The following COL4A6 variants were observed in gnomAD, a reference collection of about 807,000 sequenced individuals.
The protein encoded by COL4A6 is collagen type IV alpha 6 chain.
Under a neutral mutation model 126.7 loss-of-function variants are expected in COL4A6, and 59 were observed. The observed-to-expected ratio is 0.47, with a 90% confidence interval of 0.38 to 0.58. The LOEUF (loss-of-function observed/expected upper bound fraction) is 0.58, where lower values mean the gene tolerates loss of function less well. Ranked by LOEUF, COL4A6 falls within the 20% of genes least tolerant of loss-of-function variation. The probability of loss-of-function intolerance (pLI) is 0.00; values close to 1 mark genes in which losing one functional copy is unlikely to be tolerated. For synonymous variants in COL4A6, 547 were observed against 496.6 expected (o/e 1.10, Z -1.35); for missense variants, 1,285 against 1,337.3 (o/e 0.96, Z 0.61).
intron 3 of COL4A6, among the ~76,000 whole-genome samples, chrX:108,298,370 G>A (rs755904033): frequency 8.9e-6 from 1 of 112,740 alleles, no homozygotes; most frequent in Admixed American, 9.2e-5. Context: ...GGGTCAGACA[G>A]GGCATTGTCC....
intron 3 of COL4A6, among the ~76,000 whole-genome samples, chrX:108,275,846 G>A (rs2037586680): frequency 8.9e-6 from 1 of 112,828 alleles, no homozygotes; most frequent in South Asian, 3.6e-4. Context: ...TGGCATACGG[G>A]TGCACATGAG....
chrX:108,403,162 C>T (rs2041126294), intron 2 of COL4A6, among the ~76,000 whole-genome samples: 1 of 108,653 alleles, frequency 9.2e-6, no homozygotes, highest in Non-Finnish European at 1.9e-5. Flanking sequence ...TGTGATCTGT[C>T]CCTCTGCTGT....
intron 3 of COL4A6, among the ~76,000 whole-genome samples, chrX:108,238,986 T>C (rs1223255834): frequency 8.9e-6 from 1 of 112,290 alleles, no homozygotes; most frequent in Non-Finnish European, 1.9e-5. Context: ...CCAATGCAGT[T>C]TCTCCCCTTC....
chrX:108,435,650 T>C (rs1347967357), intron 2 of COL4A6, among the ~76,000 whole-genome samples: 3 of 112,101 alleles, frequency 2.7e-5, no homozygotes, highest in African/African-American at 9.7e-5. Context: ...GTAAATTTAA[T>C]GGAAGCTCAT....
chrX:108,407,983 T>C (rs764841961), intron 2 of COL4A6, among the ~76,000 whole-genome samples: 1 of 111,365 alleles, frequency 9.0e-6, no homozygotes, highest in African/African-American at 3.3e-5. Context: ...ACTATTGTGA[T>C]TGCTATTTTA....
At chrX:108,221,622 T>G (rs997391186) in intron 3 of COL4A6, among the ~76,000 whole-genome samples, 3 of 112,760 alleles carry the variant, frequency 2.7e-5, no homozygotes, top group African/African-American at 9.7e-5. Context: ...CCTTCAACTT[T>G]GTACTTCTTA....
intron 3 of COL4A6, among the ~76,000 whole-genome samples, chrX:108,280,548 C>T (rs2037779818): frequency 9.0e-6 from 1 of 111,636 alleles, no homozygotes. Context: ...GATTCACAGC[C>T]GAATTCTACC....
chrX:108,265,608 G>A (rs191303401), intron 3 of COL4A6, among the ~76,000 whole-genome samples: 59 of 110,849 alleles, frequency 5.3e-4, no homozygotes, highest in African/African-American at 1.9e-3. Context: ...GGGTGAGGAA[G>A]CCAAGTGGAG....
chrX:108,160,709 C>T, intron 42 of COL4A6, 55 bp from the exon 43 acceptor site: 2 of 1,041,524 alleles, frequency 1.9e-6, no homozygotes, highest in South Asian at 4.4e-5. Context: ...ACAACATCAG[C>T]TACTCACATT....
intron 23 of COL4A6, 45 bp from the exon 24 acceptor site, chrX:108,181,013 GA>G: frequency 1.8e-6 from 2 of 1,082,331 alleles, no homozygotes; most frequent in Non-Finnish European, 2.6e-6. Flanking sequence ...CAGAGTTAGG[GA>G]AGATTTCTCC....
upstream of COL4A6, among the ~76,000 whole-genome samples, chrX:108,438,737 T>A (rs1434927559): frequency 8.9e-6 from 1 of 112,783 alleles, no homozygotes; most frequent in Non-Finnish European, 1.9e-5. Context: ...CATACAACAC[T>A]GATTCAAATT....
chrX:108,220,423 C>T (rs1343902465), intron 4 of COL4A6, among the ~76,000 whole-genome samples: 1 of 111,925 alleles, frequency 8.9e-6, no homozygotes, highest in Non-Finnish European at 1.9e-5. Context: ...TCCCCATGAT[C>T]CTAGTGAGGG....
At chrX:108,257,723 T>C (rs1238862099) in intron 3 of COL4A6, among the ~76,000 whole-genome samples, 1 of 111,027 alleles carries the variant, frequency 9.0e-6, no homozygotes, top group African/African-American at 3.3e-5. Context: ...CCGGAAGATC[T>C]CTTGCATATT....
intron 3 of COL4A6, among the ~76,000 whole-genome samples, chrX:108,273,231 T>A (rs1429900177): frequency 1.8e-5 from 2 of 110,039 alleles, no homozygotes; most frequent in Non-Finnish European, 3.8e-5. Context: ...CATGAAAAAA[T>A]GCTCATCATC....
intron 2 of COL4A6, among the ~76,000 whole-genome samples, chrX:108,389,249 G>A (rs1006820910): frequency 4.5e-5 from 5 of 111,698 alleles, no homozygotes; most frequent in Admixed American, 1.9e-4. Flanking sequence ...ACCCAGAGCT[G>A]AGTTCAAGTC....
rs1164132959 is a variant in COL4A6, at chrX:108,170,898, T to C, written c.3297A>G (p.Gly1099=). The C allele has an allele frequency of 8.3e-7, 1 of 1,209,809 alleles. No individual in the cohort carries two copies. The highest frequency in any genetic ancestry group is 1.1e-6 in the Non-Finnish European group (1 of 894,308). Residue 1099 remains glycine (G), a synonymous_variant, in exon 34 of 45, where the codon GGA becomes GGG. Transcript: ENST00000334504. ...SGFKGTKGRD[G]LIGNIGFPGN... ...CAGGGAAGCCTATATTGCCTATTAGTCCATCTCTTCCTTTTGTGCCTATAA... is the reference window on the plus strand; with the variant it reads ...CAGGGAAGCCTATATTGCCTATTAGCCCATCTCTTCCTTTTGTGCCTATAA...
rs999447301 is a variant in COL4A6, at chrX:108,156,667, C to T, written c.*333G>A. ...TGATTAGCGATTAGGAAGAGCTTTCCGATCAAGACGGTAAGGAGAAAGCTA... is the reference window on the plus strand; with the variant it reads ...TGATTAGCGATTAGGAAGAGCTTTCTGATCAAGACGGTAAGGAGAAAGCTA... On this transcript the variant is annotated 3_prime_UTR_variant, in exon 45 of 45. Coordinates refer to ENST00000334504, the MANE Select transcript of COL4A6 (RefSeq NM_033641.4). 2.5e-5 allele frequency: 7 copies of T among 281,098 alleles called. No individual in the cohort carries two copies. The highest frequency in any genetic ancestry group is 3.1e-5 in the Non-Finnish European group (5 of 160,273). The allele number at this position is 281,098 out of a possible 1,213,427, so 23.2% of individuals were successfully genotyped here.
intron 2 of COL4A6, among the ~76,000 whole-genome samples, chrX:108,334,043 A>C (rs1280050863): frequency 8.9e-6 from 1 of 111,830 alleles, no homozygotes; most frequent in Non-Finnish European, 1.9e-5. Flanking sequence ...TTAGAAAAAA[A>C]CAATTCTAAA....
In COL4A6 at chrX:108,169,556, A is replaced by G; in HGVS notation, c.3630T>C (p.Tyr1210=). The G allele has an allele frequency of 8.3e-7, 1 of 1,211,469 alleles. No homozygotes were observed. Among genetic ancestry groups the G allele is most frequent in the Non-Finnish European group, 1.1e-6 (1 of 895,427 alleles). Residue 1210 remains tyrosine (Y), a synonymous_variant, in exon 37 of 45, where the codon TAT becomes TAC. Transcript: ENST00000334504. ...GLPGPKGEKG[Y]PGIGIGAPGK... Reference sequence around the variant, plus strand: ...CTGGAGCTCCGATGCCAATTCCTGGATATCCTTTTTCTCCTTTGGGTCCAG... The same window carrying G: ...CTGGAGCTCCGATGCCAATTCCTGGGTATCCTTTTTCTCCTTTGGGTCCAG...
Sources: gnomAD v4.1 joint callset for allele counts (sites outside exome capture counted in the v4.1 genomes callset) on GRCh38, gnomAD v4.1.1 for gene constraint, MANE v1.5 for transcripts, NCBI Gene and HGNC (gene_info 2026-07-23, HGNC 2026-07-21) for gene names.